Variants in MYO1F observed in about 807,000 individuals in gnomAD.
The protein encoded by MYO1F is unconventional myosin-If.
In MYO1F, 60 loss-of-function variants were observed where a neutral mutation model predicts 146.6. That is an observed-to-expected ratio of 0.41 (90% confidence interval 0.33 to 0.51). MYO1F has a LOEUF of 0.51. Among genes scored for constraint, MYO1F ranks in the 20% least tolerant of loss-of-function variants. The pLI, the probability that MYO1F is intolerant of heterozygous loss-of-function variation, is 0.25. For missense variants in MYO1F, 1,274 were observed against 1,534.3 expected (o/e 0.83, Z 2.83); for synonymous variants, 602 against 602.1 (o/e 1.00, Z 0.00).
In MYO1F at chr19:8,552,036, G is replaced by A; in HGVS notation, c.633C>T (p.Tyr211=). 1 of 1,614,036 alleles carries A rather than the reference G, an allele frequency of 6.2e-7. No homozygotes were observed. The highest frequency in any genetic ancestry group is 8.5e-7 in the Non-Finnish European group (1 of 1,179,984). The change falls in exon 7 of 28, where the codon TAC becomes TAT. Residue 211 remains tyrosine, a synonymous_variant. Coordinates refer to ENST00000644032, the MANE Select transcript of MYO1F (RefSeq NM_012335.4). ...TCCCCCGGCCCCTTCCCTGCACCTG[G>A]TAGTAGATGTGGAAGTTCCTCTCAT... ...NENERNFHIY[Y]QLLEGASQEQ...
chr19:8,548,262 T>A lies in MYO1F; in HGVS notation c.1157A>T (p.Asp386Val). 1 of 1,614,014 alleles carries A rather than the reference T, an allele frequency of 6.2e-7. No homozygotes were observed. Among genetic ancestry groups the A allele is most frequent in the Non-Finnish European group, 8.5e-7 (1 of 1,180,000 alleles). ...PQEEYSIGVL[D>V]IYGFEIFQKN... ...CTGGAAGATCTCGAAGCCGTAAATG[T>A]CCAGCACACCGATGCTGTACTCTTC... is the stretch of plus-strand genomic sequence containing the variant. The change falls in exon 11 of 28, where the codon GAC (aspartate) becomes GTC (valine). Residue 386 changes from aspartate (D) to valine (V), a missense_variant. By Grantham distance (152) the Asp-to-Val change is radical. Coordinates refer to ENST00000644032, the MANE Select transcript of MYO1F (RefSeq NM_012335.4).
Position 8,544,409 on chromosome 19 carries a change from G to A in MYO1F, c.1412C>T (p.Thr471Met), listed in dbSNP as rs759707124. 4 of 1,612,844 alleles carry A rather than the reference G, an allele frequency of 2.5e-6. No individual in the cohort carries two copies. Among genetic ancestry groups the A allele is most frequent in the Non-Finnish European group, 3.4e-6 (4 of 1,179,850 alleles). The change falls in exon 14 of 28, where the codon ACG becomes ATG. Residue 471 changes from threonine to methionine, a missense_variant. Around this residue, in one of 2 missense-constraint regions of MYO1F, gnomAD observed 900 missense variants for 1,155.1 expected, o/e 0.78. Transcript: ENST00000644032. ...LDDVCATMHA[T>M]GGGADQTLLQ... ...CAGTGTCTGGTCTGCTCCCCCGCCCGTGGCGTGCATGGTGGCGCACACGTC... is the reference window on the plus strand; with the variant it reads ...CAGTGTCTGGTCTGCTCCCCCGCCCATGGCGTGCATGGTGGCGCACACGTC...
chr19:8,566,374 A>G lies in MYO1F; in HGVS notation c.4-10578T>C, dbSNP rs185237646. 8.4e-3 allele frequency among the ~76,000 whole-genome samples: 1,275 copies of G among 151,512 alleles called. 21 individuals carry two copies. The highest frequency in any genetic ancestry group is 0.029 in the African/African-American group (1,212 of 41,398). On this transcript the variant is annotated intron_variant, in intron 1 of 27. Coordinates refer to ENST00000644032, the MANE Select transcript of MYO1F (RefSeq NM_012335.4). ...AGTAGAGATGGGCTTTCACCGTGTT[A>G]GCCAGGATGGTCTCGAGCTCCTGAT...
chr19:8,522,532 C>T lies in MYO1F; in HGVS notation c.3065G>A (p.Arg1022His), dbSNP rs765257989. The T allele has an allele frequency of 1.2e-5, 20 of 1,612,458 alleles. No homozygotes were observed. The highest frequency in any genetic ancestry group is 4.5e-5 in the East Asian group (2 of 44,842). The change falls in exon 27 of 28, where the codon CGC (arginine) becomes CAC (histidine). Residue 1022 changes from arginine (R) to histidine (H), a missense_variant. Physicochemically the swap from Arg to His is conservative, Grantham distance 29. Coordinates refer to ENST00000644032, the MANE Select transcript of MYO1F (RefSeq NM_012335.4). ...DQGMAGMQRKRSVGQRPVPGV... is the reference protein window; with the variant it reads ...DQGMAGMQRKHSVGQRPVPGV... Reference sequence around the variant, plus strand: ...AGGCACTGGCCGTTGCCCCACGCTGCGCTTCCTCTGCATGCTGTGGGCACA... The same window carrying T: ...AGGCACTGGCCGTTGCCCCACGCTGTGCTTCCTCTGCATGCTGTGGGCACA...
chr19:8,561,073 G>C (rs1479399386), intron 1 of MYO1F, among the ~76,000 whole-genome samples: 2 of 151,880 alleles, frequency 1.3e-5, no homozygotes, highest in Non-Finnish European at 2.9e-5. Context: ...ATAGAGACAT[G>C]GTCTTGCTCT....
At chr19:8,544,215 G>A in intron 14 of MYO1F, 82 bp downstream of exon 14, 1 of 1,456,024 alleles carries the variant, frequency 6.9e-7, no homozygotes, top group Non-Finnish European at 9.6e-7. Context: ...TTCCAGCCTG[G>A]GTGCTGGAGG....
intron 14 of MYO1F, among the ~76,000 whole-genome samples, chr19:8,543,759 G>C (rs1270030571): frequency 2.1e-4 from 2 of 9,454 alleles, no homozygotes; most frequent in African/African-American, 6.0e-4. Context: ...GGTGGTGGTG[G>C]TGGTGGTGCT....
intron 24 of MYO1F, among the ~76,000 whole-genome samples, chr19:8,525,967 T>C (rs972672930): frequency 1.3e-5 from 2 of 151,786 alleles, no homozygotes; most frequent in African/African-American, 4.8e-5. Context: ...TTTTGATTGG[T>C]TTCCTCCATG....
Position 8,523,285 on chromosome 19 carries a change from G to A in MYO1F, c.2855-456C>T, listed in dbSNP as rs145860846. Reference sequence around the variant, plus strand: ...CCTGACCTTGTGATCCGCCCGCCTTGGCCTCCCAAAGTGCTGGGATTACAG... The same window carrying A: ...CCTGACCTTGTGATCCGCCCGCCTTAGCCTCCCAAAGTGCTGGGATTACAG... On this transcript the variant is annotated intron_variant, in intron 25 of 27. Transcript: ENST00000644032. 8.7e-3 allele frequency among the ~76,000 whole-genome samples: 1,324 copies of A among 152,062 alleles called. 60 individuals carry two copies. The East Asian group carries it at 0.092, about 11-fold the overall frequency.
chr19:8,523,642 T>C (rs1972150869), intron 25 of MYO1F, among the ~76,000 whole-genome samples: 1 of 152,134 alleles, frequency 6.6e-6, no homozygotes, highest in African/African-American at 2.4e-5. Flanking sequence ...TGAGCCACTG[T>C]ACTTGGCCTT....
chr19:8,521,348 G>A lies in MYO1F; in HGVS notation c.*180C>T, dbSNP rs1376646745. On this transcript the variant is annotated 3_prime_UTR_variant, in exon 28 of 28. Coordinates refer to ENST00000644032, the MANE Select transcript of MYO1F (RefSeq NM_012335.4). Reference sequence around the variant, plus strand: ...GTTGGAGGAAGACCAGGGCCCAGGGGCGGGGGCTGCAGCAGTGACCTGGTG... The same window carrying A: ...GTTGGAGGAAGACCAGGGCCCAGGGACGGGGGCTGCAGCAGTGACCTGGTG... The A allele has an allele frequency of 3.0e-6, 2 of 669,660 alleles. No individual in the cohort carries two copies. The highest frequency in any genetic ancestry group is 5.4e-6 in the Non-Finnish European group (2 of 368,384). 41.5% of individuals were successfully genotyped at this position (669,660 alleles called of 1,614,324 possible). A position where few individuals can be genotyped will look rare whatever the true frequency, so the allele number is the denominator to read the frequency against.
chr19:8,555,932 G>A (rs1973834129), intron 1 of MYO1F, 136 bp from the exon 2 acceptor site: 9 of 957,534 alleles, frequency 9.4e-6, no homozygotes, highest in Non-Finnish European at 1.2e-5. Context: ...CTCCAGGAGA[G>A]GCTGGCAGGG....
intron 1 of MYO1F, among the ~76,000 whole-genome samples, chr19:8,557,056 C>T (rs111505144): frequency 0.043 from 6,594 of 152,060 alleles, 299 homozygotes; most frequent in African/African-American, 0.11. Context: ...GAGGCCGAGG[C>T]GGGAGGACTG....
intron 6 of MYO1F, among the ~76,000 whole-genome samples, chr19:8,552,901 G>A (rs887426737): frequency 6.6e-6 from 1 of 152,186 alleles, no homozygotes; most frequent in Non-Finnish European, 1.5e-5. Context: ...GCAGCCGGGG[G>A]AGCATTTAAG....
intron 1 of MYO1F, among the ~76,000 whole-genome samples, chr19:8,562,234 C>T (rs1431458723): frequency 6.6e-6 from 1 of 151,790 alleles, no homozygotes; most frequent in African/African-American, 2.4e-5. Context: ...ATCTCCTGAC[C>T]TCGTTACCCG....
intron 9 of MYO1F, 26 bp downstream of exon 9, chr19:8,550,536 C>T: frequency 6.2e-7 from 1 of 1,614,084 alleles, no homozygotes; most frequent in Non-Finnish European, 8.5e-7. Flanking sequence ...GGCCTCCATC[C>T]AGCCCTCCCT....
chr19:8,574,930 A>T (rs1555733423), intron 1 of MYO1F, among the ~76,000 whole-genome samples: 2 of 149,406 alleles, frequency 1.3e-5, no homozygotes, highest in African/African-American at 4.9e-5. Flanking sequence ...TAATTTTTGT[A>T]TTTTTAGTAG....
intron 2 of MYO1F, 131 bp downstream of exon 2, chr19:8,555,528 C>G: frequency 7.8e-7 from 1 of 1,275,438 alleles, no homozygotes; most frequent in Non-Finnish European, 1.1e-6. Context: ...GTCACTCTGT[C>G]TGTCCTCTGT....
intron 15 of MYO1F, 60 bp from the exon 16 acceptor site, chr19:8,540,088 C>T: frequency 2.1e-6 from 3 of 1,409,088 alleles, no homozygotes; most frequent in South Asian, 2.4e-5. Context: ...GGTACTCTTC[C>T]TCCAGGGGTG....
Sources: allele counts gnomAD v4.1 joint callset (sites outside exome capture counted in the v4.1 genomes callset), GRCh38; gene constraint gnomAD v4.1.1; regional missense constraint gnomAD v4.1.1; transcripts MANE v1.5; gene names NCBI Gene and HGNC (gene_info 2026-07-23, HGNC 2026-07-21).